Variants in SPAG17 observed in about 807,000 individuals in gnomAD.
SPAG17 encodes the protein sperm associated antigen 17, also known as sperm-associated antigen 17.
SPAG17 carries 169 observed loss-of-function variants against 273.6 expected under a neutral mutation model. The observed-to-expected ratio is 0.62, with a 90% CI of 0.55 to 0.70. The LOEUF is 0.70. Ranked by LOEUF, SPAG17 falls within the 30% of genes least tolerant of loss-of-function variation. The pLI, the probability that SPAG17 is intolerant of heterozygous loss-of-function variation, is 0.00. For missense variants in SPAG17, 2,557 were observed against 2,627.8 expected (o/e 0.97, Z 0.59); for synonymous variants, 825 against 873.2 (o/e 0.94, Z 0.97).
At chr1:118,007,937 G>C in intron 31 of SPAG17, 107 bp downstream of exon 31, 1 of 1,146,200 alleles carries the variant, frequency 8.7e-7, no homozygotes, top group Non-Finnish European at 1.3e-6. Flanking sequence ...GAGAATGAAA[G>C]CAACAGCAGT....
chr1:118,031,283 A>C (rs1457869787), intron 25 of SPAG17, among the ~76,000 whole-genome samples: 1 of 151,076 alleles, frequency 6.6e-6, no homozygotes, highest in Non-Finnish European at 1.5e-5. Flanking sequence ...AACTTTACCA[A>C]ATGAAACTGT....
chr1:118,050,197 G>A (rs1650841616), intron 20 of SPAG17, among the ~76,000 whole-genome samples: 1 of 152,190 alleles, frequency 6.6e-6, no homozygotes. Context: ...CATGGGAGAA[G>A]TGATGCAAGA....
intron 31 of SPAG17, 60 bp downstream of exon 31, chr1:118,007,984 G>A (rs1365994503): frequency 3.7e-6 from 6 of 1,601,126 alleles, no homozygotes; most frequent in Non-Finnish European, 5.1e-6. Context: ...CAGAGAAGTG[G>A]GTTTTCTCAG....
intron 32 of SPAG17, among the ~76,000 whole-genome samples, chr1:118,001,186 C>A (rs373234757): frequency 6.6e-6 from 1 of 151,978 alleles, no homozygotes; most frequent in South Asian, 2.1e-4. Context: ...CTGAACATGG[C>A]GGATAAGGTT....
intron 43 of SPAG17, among the ~76,000 whole-genome samples, chr1:117,974,531 A>G (rs1173495575): frequency 6.6e-6 from 1 of 151,012 alleles, no homozygotes; most frequent in African/African-American, 2.4e-5. Flanking sequence ...CTAATGAGTA[A>G]AAAAAAAATC....
In SPAG17 at chr1:118,028,390, T is replaced by G. The variant is rs1022501565; in HGVS notation, c.3614A>C (p.Glu1205Ala). Residue 1205 changes from glutamate (E) to alanine (A), a missense_variant, in exon 26 of 49, where the codon GAA becomes GCA. By Grantham distance (107) the Glu-to-Ala change is moderately radical. Transcript: ENST00000336338. ...TAAAACAGGTTCTGGTTCTACTTCTTCTTCCTGTAAATAATTCAGCATGTG... is the reference window on the plus strand; with the variant it reads ...TAAAACAGGTTCTGGTTCTACTTCTGCTTCCTGTAAATAATTCAGCATGTG... ...EHPKEEEKKE[E>A]EVEPEPVLQE... The G allele has an allele frequency of 6.2e-7, 1 of 1,612,952 alleles. No individual in the cohort carries two copies. The highest frequency in any genetic ancestry group is 8.5e-7 in the Non-Finnish European group (1 of 1,179,624).
chr1:118,106,536 A>T (rs1456206613), intron 4 of SPAG17, among the ~76,000 whole-genome samples: 3 of 152,196 alleles, frequency 2.0e-5, no homozygotes, highest in Admixed American at 6.5e-5. Context: ...TTTGGATCAT[A>T]GCAAATTTAC....
chr1:117,969,611 A>G (rs1310881135), intron 46 of SPAG17, among the ~76,000 whole-genome samples: 2 of 151,972 alleles, frequency 1.3e-5, no homozygotes, highest in East Asian at 3.8e-4. Flanking sequence ...TAAATAAACA[A>G]ATATGATTTC....
intron 42 of SPAG17, among the ~76,000 whole-genome samples, chr1:117,982,520 C>T (rs1292161985): frequency 3.9e-5 from 6 of 152,170 alleles, no homozygotes; most frequent in South Asian, 2.1e-4. Context: ...GGATTACAGG[C>T]GTGAGCCACC....
intron 3 of SPAG17, among the ~76,000 whole-genome samples, chr1:118,143,396 G>T (rs905137739): frequency 1.3e-5 from 2 of 152,096 alleles, no homozygotes; most frequent in Non-Finnish European, 2.9e-5. Context: ...TATCTGAAAG[G>T]TTGTTAAGAT....
chr1:118,132,188 G>T (rs987704133), intron 3 of SPAG17, among the ~76,000 whole-genome samples: 1 of 152,176 alleles, frequency 6.6e-6, no homozygotes, highest in African/African-American at 2.4e-5. Context: ...TCACTCCTGA[G>T]TTGAAATGTG....
chr1:117,988,191 T>G lies in SPAG17; in HGVS notation c.5535A>C (p.Leu1845=). The G allele has an allele frequency of 1.3e-6, 2 of 1,598,044 alleles. No homozygotes were observed. ...KSHVTEVAAH[L]TDLFKQSLAT... ...CCAAAGACTGCTTGAATAAATCAGT[T>G]AGGTGAGCTGCAACTTTAAACATAG... Residue 1845 remains leucine, a synonymous_variant, in exon 39 of 49, where the codon CTA becomes CTC. Transcript: ENST00000336338.
chr1:118,173,858 TAAA>T (rs11392346), intron 1 of SPAG17, among the ~76,000 whole-genome samples: 1 of 118,274 alleles, frequency 8.5e-6, no homozygotes. Context: ...AGACCCTGTC[TAAA>T]AAAAAAAAAA....
intron 3 of SPAG17, 28 bp from the exon 4 acceptor site, chr1:118,115,469 A>C (rs367786521): frequency 1.3e-6 from 2 of 1,595,796 alleles, no homozygotes; most frequent in Non-Finnish European, 8.5e-7. Context: ...TATTAGAAAA[A>C]GTGATGTTTT....
rs776741635 is a variant in SPAG17, at chr1:118,066,796, C to T, written c.2489G>A (p.Arg830His). 23 of 1,613,474 alleles carry T rather than the reference C, an allele frequency of 1.4e-5. No homozygotes were observed. In the South Asian group the frequency reaches 2.0e-4, roughly 14 times the overall value. ...LVFHNPMNRQ[R>H]LHCEYWNIAL... is the part of the protein sequence containing the mutation. ...AATGTTCCAATATTCACAATGCAAA[C>T]GTTGTCTATTCATTGGATTGTGAAA... The change falls in exon 18 of 49, where the codon CGT becomes CAT. Residue 830 changes from arginine (R) to histidine (H), a missense_variant. Arg to His is a conservative substitution (Grantham distance 29). Coordinates refer to ENST00000336338, the MANE Select transcript of SPAG17 (RefSeq NM_206996.4).
intron 1 of SPAG17, 36 bp downstream of exon 1, chr1:118,185,035 C>CG (rs1558069119): frequency 6.3e-7 from 1 of 1,590,826 alleles, no homozygotes; most frequent in East Asian, 2.2e-5. Context: ...CTGGCATTGC[C>CG]GGGGGCAGGG....
intron 18 of SPAG17, among the ~76,000 whole-genome samples, chr1:118,061,805 T>C (rs2102031064): frequency 6.6e-6 from 1 of 152,264 alleles, no homozygotes; most frequent in African/African-American, 2.4e-5. Flanking sequence ...AGCTAAAAAA[T>C]ACTTATCACG....
chr1:118,146,550 T>C (rs1206489572), intron 3 of SPAG17, among the ~76,000 whole-genome samples: 1 of 152,204 alleles, frequency 6.6e-6, no homozygotes, highest in Non-Finnish European at 1.5e-5. Context: ...ATTTAGCATA[T>C]ATTATACCAT....
At chr1:118,119,390 A>G (rs1657287781) in intron 3 of SPAG17, among the ~76,000 whole-genome samples, 3 of 152,174 alleles carry the variant, frequency 2.0e-5, no homozygotes, top group Non-Finnish European at 2.9e-5. Context: ...GGAAAGGGCA[A>G]GCTGTGGTTG....
Sources: gnomAD v4.1 joint callset for allele counts (sites outside exome capture counted in the v4.1 genomes callset) on GRCh38, gnomAD v4.1.1 for gene constraint, MANE v1.5 for transcripts, NCBI Gene and HGNC (gene_info 2026-07-23, HGNC 2026-07-21) for gene names.